Variants in ARHGAP15 observed in about 807,000 individuals in gnomAD.
ARHGAP15 encodes Rho GTPase activating protein 15, also known as rho GTPase-activating protein 15.
A neutral mutation model predicts 63.7 loss-of-function variants in ARHGAP15; 51 were observed. The ratio of observed to expected loss-of-function variants is 0.80; its 90% CI spans 0.64 to 1.01. ARHGAP15 has a LOEUF of 1.01. ARHGAP15 is among the 50% of genes least tolerant of loss of function. The pLI, the probability that ARHGAP15 is intolerant of heterozygous loss-of-function variation, is 0.00. For synonymous variants in ARHGAP15, 191 were observed against 193.8 expected, an observed-to-expected ratio of 0.99 and a Z score of 0.12; for missense variants, 560 against 564.6, an observed-to-expected ratio of 0.99 and a Z score of 0.08.
intron 12 of ARHGAP15, among the ~76,000 whole-genome samples, chr2:143,695,905 A>G (rs1427005762): frequency 1.3e-5 from 2 of 152,014 alleles, no homozygotes; most frequent in Non-Finnish European, 2.9e-5. Context: ...ACTTGAATAC[A>G]TTTTCCAAAC....
In ARHGAP15 at chr2:143,489,251, G is replaced by C. The variant is rs545117341; in HGVS notation, c.826+1756G>C. On this transcript the variant is annotated intron_variant, in intron 9 of 13. Transcript: ENST00000295095. ...GTCTCAGAAAGCATTAGGAAAGCTG[G>C]ATGCCTAATGCAGTTTTCATACCGA... Among the ~76,000 whole-genome samples, 222 of 152,270 alleles carry C rather than the reference G, an allele frequency of 1.5e-3. 1 individual carries two copies. Among genetic ancestry groups the C allele is most frequent in the African/African-American group, 5.2e-3 (215 of 41,556 alleles).
intron 6 of ARHGAP15, among the ~76,000 whole-genome samples, chr2:143,360,867 A>G (rs1686020508): frequency 1.3e-5 from 2 of 152,202 alleles, no homozygotes; most frequent in Admixed American, 6.5e-5. Context: ...AAACATTTAT[A>G]TGGGTTCTTA....
At chr2:143,208,135 A>G (rs1324540702) in intron 3 of ARHGAP15, among the ~76,000 whole-genome samples, 1 of 152,204 alleles carries the variant, frequency 6.6e-6, no homozygotes, top group Admixed American at 6.5e-5. Flanking sequence ...GTTATTATCC[A>G]TCATCTCTAC....
intron 11 of ARHGAP15, among the ~76,000 whole-genome samples, chr2:143,596,089 AT>A (rs1697507130): frequency 6.6e-6 from 1 of 152,130 alleles, no homozygotes. Context: ...TGTTGGTTCT[AT>A]TCTCCAGGAT....
intron 10 of ARHGAP15, among the ~76,000 whole-genome samples, chr2:143,543,207 T>C (rs1695180766): frequency 6.6e-6 from 1 of 152,126 alleles, no homozygotes. Flanking sequence ...CCAACACTTG[T>C]TATCTTTTGT....
intron 6 of ARHGAP15, among the ~76,000 whole-genome samples, chr2:143,274,430 T>A (rs1372752468): frequency 1.3e-5 from 2 of 152,254 alleles, no homozygotes; most frequent in Admixed American, 1.3e-4. Flanking sequence ...GTTGCAAGTT[T>A]GGAAATGCAG....
intron 2 of ARHGAP15, among the ~76,000 whole-genome samples, chr2:143,160,838 C>CA: frequency 6.6e-6 from 1 of 152,036 alleles, no homozygotes; most frequent in African/African-American, 2.4e-5. Context: ...TTGGACTTGC[C>CA]AAAAGGTTCA....
chr2:143,498,175 C>A (rs1459519978), intron 9 of ARHGAP15, among the ~76,000 whole-genome samples: 2 of 152,114 alleles, frequency 1.3e-5, no homozygotes, highest in Non-Finnish European at 2.9e-5. Flanking sequence ...AAAAAACTTG[C>A]ATTATTTTAT....
intron 10 of ARHGAP15, chr2:143,533,388 T>A (rs1016656953): frequency 6.6e-6 from 1 of 152,162 alleles, no homozygotes; most frequent in African/African-American, 2.4e-5. Context: ...TCCTTCTCTT[T>A]CTTTGGTGTG....
chr2:143,709,503 G>C (rs1684481695), intron 13 of ARHGAP15, among the ~76,000 whole-genome samples: 2 of 152,162 alleles, frequency 1.3e-5, no homozygotes, highest in African/African-American at 4.8e-5. Flanking sequence ...CTTTTGCATT[G>C]ACTCTAAGGA....
intron 8 of ARHGAP15, among the ~76,000 whole-genome samples, chr2:143,470,686 T>TACAC (rs775663751): frequency 1.5e-5 from 2 of 137,124 alleles, no homozygotes; most frequent in South Asian, 2.5e-4. Flanking sequence ...TGTATATATA[T>TACAC]ATGTATATAT....
intron 6 of ARHGAP15, among the ~76,000 whole-genome samples, chr2:143,267,995 G>GA (rs1681080563): frequency 6.6e-6 from 1 of 151,862 alleles, no homozygotes; most frequent in Non-Finnish European, 1.5e-5. Flanking sequence ...TTTTGCTTGG[G>GA]AAAAAACCAT....
intron 2 of ARHGAP15, among the ~76,000 whole-genome samples, chr2:143,177,270 C>T (rs1404481036): frequency 2.0e-5 from 3 of 152,178 alleles, no homozygotes; most frequent in African/African-American, 4.8e-5. Flanking sequence ...TGAGAGCCGG[C>T]TGTTCACATG....
At chr2:143,626,893 C>A (rs1432571605) in intron 12 of ARHGAP15, among the ~76,000 whole-genome samples, 1 of 152,054 alleles carries the variant, frequency 6.6e-6, no homozygotes, top group East Asian at 1.9e-4. Context: ...TGTTGAAGTT[C>A]TCACCCCCAA....
At chr2:143,317,560 C>G (rs1189129225) in intron 6 of ARHGAP15, among the ~76,000 whole-genome samples, 1 of 152,182 alleles carries the variant, frequency 6.6e-6, no homozygotes, top group South Asian at 2.1e-4. Context: ...AGCTTTAGGG[C>G]TGAAATATCT....
At chr2:143,682,304 T>C (rs1333367422) in intron 12 of ARHGAP15, among the ~76,000 whole-genome samples, 2 of 7,134 alleles carry the variant, frequency 2.8e-4, no homozygotes, top group Non-Finnish European at 0.024. Flanking sequence ...ATAAGGAGAT[T>C]TTTTTTTTTC....
chr2:143,309,047 A>G lies in ARHGAP15; in HGVS notation c.474+58447A>G, dbSNP rs575136195. Reference sequence around the variant, plus strand: ...CATATTGTTCTTTGTGTGTTAGTGCATTGCTAAAGGTATTTTCATTTTTGT... The same window carrying G: ...CATATTGTTCTTTGTGTGTTAGTGCGTTGCTAAAGGTATTTTCATTTTTGT... On this transcript the variant is annotated intron_variant, in intron 6 of 13. Transcript: ENST00000295095. 7.9e-5 allele frequency among the ~76,000 whole-genome samples: 12 copies of G among 151,778 alleles called. No individual in the cohort carries two copies. The South Asian group carries it at 2.1e-3, about 26-fold the overall frequency.
In ARHGAP15 at chr2:143,697,560, A is replaced by T. The variant is rs1364446235; in HGVS notation, c.1139-5859A>T. Among the ~76,000 whole-genome samples, 3 of 152,316 alleles carry T rather than the reference A, an allele frequency of 2.0e-5. No homozygotes were observed. In the East Asian group the frequency reaches 5.8e-4, roughly 29 times the overall value. On this transcript the variant is annotated intron_variant, in intron 12 of 13. Transcript: ENST00000295095. ...CTTTTCCAGATTCCTGAGAAGTGGT[A>T]TGTCACTGGATATACCGATTTTCTT...
At chr2:143,429,390 G>A (rs1309611892) in intron 6 of ARHGAP15, among the ~76,000 whole-genome samples, 1 of 152,054 alleles carries the variant, frequency 6.6e-6, no homozygotes, top group Non-Finnish European at 1.5e-5. Flanking sequence ...AATTATTTGG[G>A]TGTCAAAGTA....
Sources: allele counts gnomAD v4.1 joint callset (sites outside exome capture counted in the v4.1 genomes callset), GRCh38; gene constraint gnomAD v4.1.1; transcripts MANE v1.5; gene names NCBI Gene and HGNC (gene_info 2026-07-23, HGNC 2026-07-21).